Variants in ADGRB1 observed in about 807,000 individuals in gnomAD.
The protein encoded by ADGRB1 is brain-specific angiogenesis inhibitor 1.
In ADGRB1, 36 loss-of-function variants were observed where a neutral mutation model predicts 175.7. The observed-to-expected ratio is 0.20, with a 90% CI of 0.16 to 0.27. ADGRB1 has a LOEUF of 0.27. Among genes scored for constraint, ADGRB1 ranks in the 10% least tolerant of loss-of-function variants. The pLI, the probability that ADGRB1 is intolerant of heterozygous loss-of-function variation, is 1.00. For synonymous variants in ADGRB1, 1,054 were observed against 979.4 expected (o/e 1.08, Z -1.42); for missense variants, 1,731 against 2,255.3 (o/e 0.77, Z 4.71).
intron 17 of ADGRB1, among the ~76,000 whole-genome samples, chr8:142,499,091 G>A (rs1023922386): frequency 1.3e-5 from 2 of 152,234 alleles, no homozygotes; most frequent in East Asian, 3.9e-4. Context: ...AAGTGGGGGA[G>A]CCCGTGGGCT....
chr8:142,464,387 C>T lies in ADGRB1; in HGVS notation c.189C>T (p.Ala63=). The change falls in exon 2 of 31, where the codon GCC becomes GCT. Residue 63 remains alanine (A), a synonymous_variant. Transcript: ENST00000517894. ...TCTCCGCGGCCGCCGTGTTCCCGGC[C>T]AACGCCTCGCGCTGCTCCTGGACGC... ...GYFSAAAVFP[A]NASRCSWTLR... 1 of 1,527,114 alleles carries T rather than the reference C, an allele frequency of 6.5e-7. No homozygotes were observed. Among genetic ancestry groups the T allele is most frequent in the Non-Finnish European group, 8.8e-7 (1 of 1,140,854 alleles). The allele number at this position is 1,527,114 out of a possible 1,614,324, so 94.6% of individuals were successfully genotyped here. A position where few individuals can be genotyped will look rare whatever the true frequency, so the allele number is the denominator to read the frequency against.
chr8:142,494,871 G>T (rs1303241687), intron 17 of ADGRB1, among the ~76,000 whole-genome samples: 1 of 151,838 alleles, frequency 6.6e-6, no homozygotes, highest in East Asian at 1.9e-4. Context: ...AGGAAAATGG[G>T]GAGCAAAGCG....
rs1229905037 is a variant in ADGRB1 at position 142,464,672 on chromosome 8, C to A, written c.474C>A (p.Pro158=). 9.8e-6 allele frequency: 15 copies of A among 1,524,052 alleles called. No homozygotes were observed. Among genetic ancestry groups the A allele is most frequent in the African/African-American group, 1.4e-5 (1 of 71,178 alleles). The allele number at this position is 1,524,052 out of a possible 1,614,324, so 94.4% of individuals were successfully genotyped here. Residue 158 remains proline (P), a synonymous_variant, in exon 2 of 31, where the codon CCC becomes CCA. Transcript: ENST00000517894. ...QQPPQHDGLR[P]RAGPPGPTDD... ...CGCCCCAGCACGACGGGCTCCGGCCCCGGGCCGGGCCGCCGGGCCCCACCG... is the reference window on the plus strand; with the variant it reads ...CGCCCCAGCACGACGGGCTCCGGCCACGGGCCGGGCCGCCGGGCCCCACCG...
chr8:142,483,064 T>G (rs994414067), intron 11 of ADGRB1, among the ~76,000 whole-genome samples: 15 of 112,656 alleles, frequency 1.3e-4, no homozygotes, highest in Non-Finnish European at 1.6e-4. Context: ...CTGGTTACAC[T>G]CAGAACCCTG....
chr8:142,509,271 G>A (rs764252004), intron 17 of ADGRB1, among the ~76,000 whole-genome samples: 3 of 152,214 alleles, frequency 2.0e-5, no homozygotes, highest in Non-Finnish European at 4.4e-5. Flanking sequence ...GCTGTCCAGA[G>A]TGGAGTGGGT....
At chr8:142,482,401 C>T (rs1427520913) in intron 11 of ADGRB1, among the ~76,000 whole-genome samples, 1 of 149,456 alleles carries the variant, frequency 6.7e-6, no homozygotes, top group East Asian at 2.0e-4. Context: ...CACTCAGAAC[C>T]CTGACACTGG....
chr8:142,476,494 C>A (rs1587289178), intron 3 of ADGRB1, 91 bp from the exon 4 acceptor site: 1 of 1,193,460 alleles, frequency 8.4e-7, no homozygotes, highest in Non-Finnish European at 1.2e-6. Context: ...GCCAGGTGGC[C>A]CAGTGCTGCC....
At chr8:142,517,883 C>T (rs941436260) in intron 18 of ADGRB1, among the ~76,000 whole-genome samples, 1 of 152,136 alleles carries the variant, frequency 6.6e-6, no homozygotes, top group Non-Finnish European at 1.5e-5. Flanking sequence ...TGGCATCGGG[C>T]TTGGCATATG....
intron 2 of ADGRB1, among the ~76,000 whole-genome samples, chr8:142,465,992 G>A (rs185645200): frequency 1.8e-4 from 28 of 152,328 alleles, no homozygotes; most frequent in Non-Finnish European, 2.4e-4. Flanking sequence ...TGGAGGCCCC[G>A]TGGGCCTCAG....
At chr8:142,472,218 T>C (rs1840711907) in intron 2 of ADGRB1, among the ~76,000 whole-genome samples, 1 of 152,080 alleles carries the variant, frequency 6.6e-6, no homozygotes, top group Admixed American at 6.5e-5. Flanking sequence ...GTGCGGGCTG[T>C]GGGGAGCTCA....
Position 142,537,955 on chromosome 8 carries a change from C to A in ADGRB1, c.3666+873C>A, listed in dbSNP as rs1387381722. Among the ~76,000 whole-genome samples, 1 of 152,184 alleles carries A rather than the reference C, an allele frequency of 6.6e-6. No individual in the cohort carries two copies. The highest frequency in any genetic ancestry group is 2.4e-5 in the African/African-American group (1 of 41,434). On this transcript the variant is annotated intron_variant, in intron 26 of 30. Coordinates refer to ENST00000517894, the MANE Select transcript of ADGRB1 (RefSeq NM_001702.3). This position sits in a 1 kb window ranked among gnomAD's most constrained non-coding sequence, Gnocchi z 4.6. Reference sequence around the variant, plus strand: ...GTCACTAGACCTCCTGCTTCTGCACCCAGAGGCTAGCACACAGGGTGGAGC... The same window carrying A: ...GTCACTAGACCTCCTGCTTCTGCACACAGAGGCTAGCACACAGGGTGGAGC...
Position 142,506,881 on chromosome 8 carries a change from G to A in ADGRB1, c.2676-4051G>A, listed in dbSNP as rs184882755. Among the ~76,000 whole-genome samples the A allele has an allele frequency of 2.3e-4, 35 of 152,334 alleles. No individual in the cohort carries two copies. In the East Asian group the frequency reaches 5.6e-3, roughly 24 times the overall value. On this transcript the variant is annotated intron_variant, in intron 17 of 30. Coordinates refer to ENST00000517894, the MANE Select transcript of ADGRB1 (RefSeq NM_001702.3). ...AGGTCTAGTGCAGCAAGGGAGGCTCGGGTAACTCCCAGGAAACCTGCATTG... is the reference window on the plus strand; with the variant it reads ...AGGTCTAGTGCAGCAAGGGAGGCTCAGGTAACTCCCAGGAAACCTGCATTG...
At chr8:142,501,973 A>T (rs1587359152) in intron 17 of ADGRB1, among the ~76,000 whole-genome samples, 1 of 9,084 alleles carries the variant, frequency 1.1e-4, no homozygotes, top group African/African-American at 3.2e-4. Context: ...TTGATGATGG[A>T]GGTAGGGTGG....
At chr8:142,452,037 G>A (rs1434044531) in intron 1 of ADGRB1, among the ~76,000 whole-genome samples, 1 of 152,148 alleles carries the variant, frequency 6.6e-6, no homozygotes, top group Non-Finnish European at 1.5e-5. Flanking sequence ...AAGGGGGTGT[G>A]CGCAGCCCGC....
rs757877936 is a variant in ADGRB1, at chr8:142,466,263, T to C, written c.784+1281T>C. ...TAGGGGTACCCAGGGGCCTTGACTTTTCTGGGGCCAGTGAAGCCTATGGAC... is the reference window on the plus strand; with the variant it reads ...TAGGGGTACCCAGGGGCCTTGACTTCTCTGGGGCCAGTGAAGCCTATGGAC... On this transcript the variant is annotated intron_variant, in intron 2 of 30. Transcript: ENST00000517894. 3.5e-4 allele frequency among the ~76,000 whole-genome samples: 54 copies of C among 152,308 alleles called. 1 individual carries two copies. The highest frequency in any genetic ancestry group is 1.6e-3 in the Admixed American group (24 of 15,304).
chr8:142,524,846 C>G, intron 23 of ADGRB1, among the ~76,000 whole-genome samples: 1 of 152,092 alleles, frequency 6.6e-6, no homozygotes, highest in East Asian at 1.9e-4. Context: ...GCAGGGTCAC[C>G]GTCCTGGGGT....
chr8:142,538,123 C>T (rs544033981), intron 26 of ADGRB1, among the ~76,000 whole-genome samples: 12 of 152,320 alleles, frequency 7.9e-5, no homozygotes, highest in African/African-American at 1.2e-4. Context: ...GGCCACCCTG[C>T]GCACTCCCGT....
In ADGRB1 at chr8:142,504,946, G is replaced by C. The variant is rs1842780879; in HGVS notation, c.2676-5986G>C. 6.6e-6 allele frequency among the ~76,000 whole-genome samples: 1 copy of C among 152,080 alleles called. No individual in the cohort carries two copies. The highest frequency in any genetic ancestry group is 1.5e-5 in the Non-Finnish European group (1 of 68,014). On this transcript the variant is annotated intron_variant, in intron 17 of 30. Transcript: ENST00000517894. This position sits in a 1 kb window ranked among gnomAD's most constrained non-coding sequence, Gnocchi z 5.6. ...CACCCTGTGAGTCATTCACACTAGAGTGTGAATTAGCCCATCAAATCCAAG... is the reference window on the plus strand; with the variant it reads ...CACCCTGTGAGTCATTCACACTAGACTGTGAATTAGCCCATCAAATCCAAG...
At chr8:142,533,571 G>A (rs769939844) in intron 25 of ADGRB1, 105 bp downstream of exon 25, 218 of 1,343,118 alleles carry the variant, frequency 1.6e-4, no homozygotes, top group Non-Finnish European at 1.9e-4. Flanking sequence ...GTGGGTAGGC[G>A]CAGCATCCAT....
Sources: gnomAD v4.1 joint callset for allele counts (sites outside exome capture counted in the v4.1 genomes callset) on GRCh38, gnomAD v4.1.1 for gene constraint, Gnocchi (gnomAD v3.1) non-coding constraint, MANE v1.5 for transcripts, NCBI Gene and HGNC (gene_info 2026-07-23, HGNC 2026-07-21) for gene names.